The following CADPS variants were observed in gnomAD, a reference collection of about 807,000 sequenced individuals.
CADPS encodes the protein calcium-dependent secretion activator 1.
CADPS carries 57 observed loss-of-function variants against 167.3 expected under a neutral mutation model. The observed-to-expected ratio is 0.34, with a 90% CI of 0.28 to 0.42. CADPS has a LOEUF of 0.42. Among genes scored for constraint, CADPS ranks in the 20% least tolerant of loss-of-function variants. The pLI is 1.00. For missense variants in CADPS, 1,414 were observed against 1,738.1 expected (o/e 0.81, Z 3.32); for synonymous variants, 676 against 635.3 (o/e 1.06, Z -0.96).
chr3:62,525,737 G>A (rs1352237733), intron 13 of CADPS, among the ~76,000 whole-genome samples: 1 of 151,378 alleles, frequency 6.6e-6, no homozygotes, highest in African/African-American at 2.4e-5. Flanking sequence ...GTGTATGCAC[G>A]GGTATGAGAA....
chr3:62,652,385 C>A (rs1579664857), intron 4 of CADPS, among the ~76,000 whole-genome samples: 1 of 121,456 alleles, frequency 8.2e-6, no homozygotes, highest in African/African-American at 3.4e-5. Flanking sequence ...ATTGGTATGC[C>A]AATTCTGTGT....
chr3:62,484,256 T>C (rs1476042501), intron 21 of CADPS, among the ~76,000 whole-genome samples: 1 of 152,186 alleles, frequency 6.6e-6, no homozygotes, highest in Non-Finnish European at 1.5e-5. Context: ...GTATTACTAG[T>C]GTTACTAATA....
At chr3:62,778,392 T>C (rs1020585941) in intron 1 of CADPS, among the ~76,000 whole-genome samples, 2 of 152,258 alleles carry the variant, frequency 1.3e-5, no homozygotes, top group Admixed American at 1.3e-4. Flanking sequence ...TTTTAAGCTA[T>C]TAATGCTATT....
At chr3:62,417,030 C>T (rs567194260) in intron 28 of CADPS, among the ~76,000 whole-genome samples, 39 of 151,996 alleles carry the variant, frequency 2.6e-4, no homozygotes, top group Admixed American at 1.0e-3. Flanking sequence ...GGACTACAGG[C>T]GTGCACCACC....
At chr3:62,585,579 A>G (rs559048947) in intron 7 of CADPS, among the ~76,000 whole-genome samples, 1 of 152,334 alleles carries the variant, frequency 6.6e-6, no homozygotes, top group South Asian at 2.1e-4. Flanking sequence ...TAATGTTCAG[A>G]CGTACTAAAC....
At chr3:62,759,972 G>T (rs920806259) in intron 2 of CADPS, among the ~76,000 whole-genome samples, 1 of 151,914 alleles carries the variant, frequency 6.6e-6, no homozygotes, top group African/African-American at 2.4e-5. Context: ...AAGGATTCTG[G>T]GCAAAGTTTC....
intron 3 of CADPS, among the ~76,000 whole-genome samples, chr3:62,684,957 T>C (rs979224004): frequency 1.3e-5 from 2 of 152,062 alleles, no homozygotes; most frequent in African/African-American, 4.8e-5. Flanking sequence ...GAAAACCCTA[T>C]GGCAGGTTAA....
intron 1 of CADPS, among the ~76,000 whole-genome samples, chr3:62,817,925 T>A (rs2094703737): frequency 6.6e-6 from 1 of 152,134 alleles, no homozygotes; most frequent in Non-Finnish European, 1.5e-5. Context: ...AAACAGGATG[T>A]GGTTTAGGAT....
rs148802047 is a variant in CADPS at position 62,541,274 on chromosome 3, C to T, written c.1967-4693G>A. ...CAAGGGCTCCAGATGTACTGATGTA[C>T]TGACAGTGAGCTATATGATTTTATA... On this transcript the variant is annotated intron_variant, in intron 11 of 29. Transcript: ENST00000383710. 2.7e-3 allele frequency among the ~76,000 whole-genome samples: 407 copies of T among 152,264 alleles called. 2 individuals carry two copies. The highest frequency in any genetic ancestry group is 9.2e-3 in the African/African-American group (384 of 41,536).
intron 27 of CADPS, among the ~76,000 whole-genome samples, chr3:62,442,245 CTT>C (rs1257798792): frequency 6.8e-6 from 1 of 146,914 alleles, no homozygotes; most frequent in Non-Finnish European, 1.5e-5. Context: ...GAGTTTCGCT[CTT>C]GTTGCCCAGG....
At chr3:62,654,760 AT>A (rs999328539) in intron 4 of CADPS, among the ~76,000 whole-genome samples, 4 of 152,042 alleles carry the variant, frequency 2.6e-5, no homozygotes, top group African/African-American at 9.7e-5. Context: ...ACTACATGGT[AT>A]TTGGTGTGGG....
intron 1 of CADPS, among the ~76,000 whole-genome samples, chr3:62,859,000 T>A (rs1440637166): frequency 6.6e-6 from 1 of 152,182 alleles, no homozygotes; most frequent in Non-Finnish European, 1.5e-5. Context: ...TAGTAGATTG[T>A]GCTGGAAACA....
intron 8 of CADPS, among the ~76,000 whole-genome samples, chr3:62,576,652 A>G (rs947563741): frequency 6.7e-6 from 1 of 150,130 alleles, no homozygotes; most frequent in African/African-American, 2.5e-5. Context: ...TTAGCTGGGC[A>G]TGGTGGTATG....
intron 23 of CADPS, among the ~76,000 whole-genome samples, chr3:62,477,440 A>C (rs182864506): frequency 2.6e-5 from 4 of 152,094 alleles, no homozygotes; most frequent in Admixed American, 2.6e-4. Context: ...TTTTATTTCT[A>C]TATTTGATAT....
intron 1 of CADPS, chr3:62,779,631 T>A (rs2091151991): frequency 9.4e-6 from 5 of 533,018 alleles, no homozygotes; most frequent in South Asian, 7.0e-5. Context: ...CTGCATGCAT[T>A]TTAAAGGCAT....
At chr3:62,621,974 T>G (rs1321735872) in intron 6 of CADPS, among the ~76,000 whole-genome samples, 1 of 151,964 alleles carries the variant, frequency 6.6e-6, no homozygotes, top group Non-Finnish European at 1.5e-5. Context: ...TTCACTTCCT[T>G]CTTATGTAAA....
chr3:62,856,524 G>A (rs962214059), intron 1 of CADPS, among the ~76,000 whole-genome samples: 1 of 151,976 alleles, frequency 6.6e-6, no homozygotes, highest in Non-Finnish European at 1.5e-5. Flanking sequence ...ATAAAAAAAT[G>A]CAAGAAGAGT....
At chr3:62,529,379 C>T (rs992279261) in intron 13 of CADPS, among the ~76,000 whole-genome samples, 4 of 152,144 alleles carry the variant, frequency 2.6e-5, no homozygotes, top group South Asian at 4.1e-4. Flanking sequence ...CAACACTGGC[C>T]ATTTGTTCTC....
chr3:62,795,176 C>T (rs1380874332), intron 1 of CADPS, among the ~76,000 whole-genome samples: 2 of 152,098 alleles, frequency 1.3e-5, no homozygotes, highest in East Asian at 1.9e-4. Context: ...CACTGCAGGG[C>T]CTTTGCACAC....
Sources: allele counts gnomAD v4.1 joint callset (sites outside exome capture counted in the v4.1 genomes callset), GRCh38; gene constraint gnomAD v4.1.1; transcripts MANE v1.5; gene names NCBI Gene and HGNC (gene_info 2026-07-23, HGNC 2026-07-21).